The following FAM78B variants were observed in gnomAD, a reference collection of about 807,000 sequenced individuals.
FAM78B encodes the protein family with sequence similarity 78 member B.
In FAM78B, 10 loss-of-function variants were observed where a neutral mutation model predicts 20.0. That is an observed-to-expected ratio of 0.50 (90% confidence interval 0.31 to 0.85). The LOEUF (loss-of-function observed/expected upper bound fraction) is 0.85, where lower values mean the gene tolerates loss of function less well. FAM78B is among the 40% of genes least tolerant of loss of function. The pLI is 0.05. For synonymous variants in FAM78B, 135 were observed against 132.8 expected (o/e 1.02, Z -0.12); for missense variants, 283 against 345.0 (o/e 0.82, Z 1.42).
At chr1:166,112,046 T>G (rs1004117449) in intron 1 of FAM78B, among the ~76,000 whole-genome samples, 4 of 152,238 alleles carry the variant, frequency 2.6e-5, no homozygotes, top group Non-Finnish European at 2.9e-5. Context: ...CTGGCTATAA[T>G]TCTGCAGTTT....
chr1:166,121,310 G>T (rs1571181792), intron 1 of FAM78B, among the ~76,000 whole-genome samples: 1 of 152,056 alleles, frequency 6.6e-6, no homozygotes, highest in Non-Finnish European at 1.5e-5. Flanking sequence ...TCAGGACCAG[G>T]CTCTGTCTAC....
At chr1:166,057,041 C>G (rs13374516), downstream of FAM78B, among the ~76,000 whole-genome samples, 2 of 152,292 alleles carry the variant, frequency 1.3e-5, no homozygotes, top group East Asian at 3.9e-4. Flanking sequence ...CCCCAGTCAT[C>G]GAATCTGCCA....
intron 1 of FAM78B, among the ~76,000 whole-genome samples, chr1:166,150,007 G>T (rs1427801598): frequency 6.6e-6 from 1 of 152,224 alleles, no homozygotes; most frequent in African/African-American, 2.4e-5. Context: ...TGCAAAGTGA[G>T]CCTTGGGGGT....
intron 1 of FAM78B, among the ~76,000 whole-genome samples, chr1:166,101,110 A>C (rs1312506779): frequency 1.3e-5 from 2 of 152,246 alleles, no homozygotes; most frequent in Admixed American, 1.3e-4. Context: ...GGCAAACTCC[A>C]ACAGACCTGC....
intron 1 of FAM78B, among the ~76,000 whole-genome samples, chr1:166,141,532 G>C (rs1655276641): frequency 6.6e-6 from 1 of 152,196 alleles, no homozygotes; most frequent in Non-Finnish European, 1.5e-5. Context: ...TTTACTATGT[G>C]CCGGTAGCTA....
chr1:166,085,942 G>T lies in FAM78B; in HGVS notation c.264-15179C>A, dbSNP rs1221061089. Reference sequence around the variant, plus strand: ...TTGAGAAGATCAAGACAGGCTAGAGGCAGGAATCTCAAATGTCAGGTATTA... The same window carrying T: ...TTGAGAAGATCAAGACAGGCTAGAGTCAGGAATCTCAAATGTCAGGTATTA... On this transcript the variant is annotated intron_variant, in intron 1 of 1. Coordinates refer to ENST00000354422, the MANE Select transcript of FAM78B (RefSeq NM_001017961.5). Among the ~76,000 whole-genome samples the T allele has an allele frequency of 2.6e-5, 4 of 152,312 alleles. No homozygotes were observed. In the East Asian group the frequency reaches 7.7e-4, roughly 29 times the overall value.
chr1:166,109,836 ATATG>A (rs200563758), intron 1 of FAM78B, among the ~76,000 whole-genome samples: 194 of 17,896 alleles, frequency 0.011, 22 homozygotes, highest in African/African-American at 0.025. Context: ...ATATATGTAT[ATATG>A]TATATATATA....
downstream of FAM78B, among the ~76,000 whole-genome samples, chr1:166,056,411 G>A (rs1651346903): frequency 6.6e-6 from 1 of 152,144 alleles, no homozygotes; most frequent in South Asian, 2.1e-4. Flanking sequence ...TGCAGGTGGT[G>A]GGGACGGGCA....
At chr1:166,084,237 A>ACACACACTCTCTCTCTCTCT (rs771421402) in intron 1 of FAM78B, among the ~76,000 whole-genome samples, 2 of 125,414 alleles carry the variant, frequency 1.6e-5, no homozygotes, top group Admixed American at 8.3e-5. Flanking sequence ...ACACACACAC[A>ACACACACTCTCTCTCTCTCT]CTCTCTCTCT....
chr1:166,120,329 T>C (rs1315060408), intron 1 of FAM78B, among the ~76,000 whole-genome samples: 1 of 152,164 alleles, frequency 6.6e-6, no homozygotes, highest in Non-Finnish European at 1.5e-5. Context: ...CAAACTCACA[T>C]GTGTGCCTGT....
At chr1:166,123,107 C>T (rs981942683) in intron 1 of FAM78B, among the ~76,000 whole-genome samples, 4 of 152,170 alleles carry the variant, frequency 2.6e-5, no homozygotes, top group African/African-American at 4.8e-5. Context: ...GATCCCAGCA[C>T]GGACAGGTAA....
chr1:166,102,121 C>T (rs1447793746), intron 1 of FAM78B, among the ~76,000 whole-genome samples: 2 of 152,004 alleles, frequency 1.3e-5, no homozygotes, highest in African/African-American at 2.4e-5. Flanking sequence ...GCTTCATAAC[C>T]AAAGGAGAAA....
At chr1:166,141,576 A>G (rs1655278520) in intron 1 of FAM78B, among the ~76,000 whole-genome samples, 1 of 152,264 alleles carries the variant, frequency 6.6e-6, no homozygotes, top group African/African-American at 2.4e-5. Context: ...TTGTTAAACT[A>G]GTAAATGCAG....
chr1:166,141,707 CTGAT>C (rs1343130608), intron 1 of FAM78B, among the ~76,000 whole-genome samples: 1 of 152,206 alleles, frequency 6.6e-6, no homozygotes, highest in African/African-American at 2.4e-5. Context: ...CAAAGGCTGA[CTGAT>C]AGATAAGTGG....
intron 1 of FAM78B, among the ~76,000 whole-genome samples, chr1:166,086,026 T>C (rs1469091957): frequency 6.6e-6 from 1 of 151,924 alleles, no homozygotes; most frequent in East Asian, 1.9e-4. Flanking sequence ...CCAGGCAGTC[T>C]ACTAAATTCT....
At chr1:166,097,657 T>C (rs1020822817) in intron 1 of FAM78B, among the ~76,000 whole-genome samples, 8 of 152,218 alleles carry the variant, frequency 5.3e-5, no homozygotes, top group Non-Finnish European at 8.8e-5. Flanking sequence ...GAGGGAGCCA[T>C]AATCCTCCTA....
chr1:166,131,573 G>A (rs1266818176), intron 1 of FAM78B, among the ~76,000 whole-genome samples: 1 of 152,112 alleles, frequency 6.6e-6, no homozygotes, highest in African/African-American at 2.4e-5. Context: ...TCTGTGAGAA[G>A]ACCTATCTTA....
chr1:166,104,281 T>C (rs1653671629), intron 1 of FAM78B, among the ~76,000 whole-genome samples: 1 of 152,176 alleles, frequency 6.6e-6, no homozygotes, highest in South Asian at 2.1e-4. Context: ...GCATTCCCTT[T>C]GAAAACTGGC....
intron 1 of FAM78B, among the ~76,000 whole-genome samples, chr1:166,081,605 TACCAGTCACTG>T (rs1486406404): frequency 6.6e-6 from 1 of 152,186 alleles, no homozygotes; most frequent in Non-Finnish European, 1.5e-5. Context: ...TTTGGCTCCT[TACCAGTCACTG>T]GGACTTGTGC....
Sources: allele counts gnomAD v4.1 joint callset (sites outside exome capture counted in the v4.1 genomes callset), GRCh38; gene constraint gnomAD v4.1.1; transcripts MANE v1.5; gene names NCBI Gene and HGNC (gene_info 2026-07-23, HGNC 2026-07-21).